Variants in RNF146 observed in about 807,000 individuals in gnomAD.
The protein encoded by RNF146 is E3 ubiquitin-protein ligase RNF146.
In RNF146, 11 loss-of-function variants were observed where a neutral mutation model predicts 29.7. The ratio of observed to expected loss-of-function variants is 0.37; its 90% CI spans 0.23 to 0.61. The LOEUF (loss-of-function observed/expected upper bound fraction) is 0.61, where lower values mean the gene tolerates loss of function less well. Among genes scored for constraint, RNF146 ranks in the 20% least tolerant of loss-of-function variants. RNF146 has a pLI of 0.66. For missense variants in RNF146, 342 were observed against 438.9 expected, an observed-to-expected ratio of 0.78 and a Z score of 1.97; for synonymous variants, 150 against 159.7, an observed-to-expected ratio of 0.94 and a Z score of 0.46.
At chr6:127,270,908 C>G (rs926126806) in intron 1 of RNF146, among the ~76,000 whole-genome samples, 1 of 151,830 alleles carries the variant, frequency 6.6e-6, no homozygotes, top group African/African-American at 2.4e-5. Context: ...CTCCACCTCC[C>G]AGATTCAAGA....
Position 127,288,284 on chromosome 6 carries a change from G to C in RNF146, c.*591G>C, listed in dbSNP as rs1211754872. ...ATAGGCTTTGCTGTCTAGTCTTATAGTTTGAGGTTTTTTTGGTCTGCATTT... is the reference window on the plus strand; with the variant it reads ...ATAGGCTTTGCTGTCTAGTCTTATACTTTGAGGTTTTTTTGGTCTGCATTT... On this transcript the variant is annotated 3_prime_UTR_variant, in exon 3 of 3. Coordinates refer to ENST00000368314, the MANE Select transcript of RNF146 (RefSeq NM_001242850.2). The C allele has an allele frequency of 6.0e-6, 1 of 166,764 alleles. No homozygotes were observed. Among genetic ancestry groups the C allele is most frequent in the Non-Finnish European group, 1.5e-5 (1 of 68,060 alleles). 10.3% of individuals were successfully genotyped at this position (166,764 alleles called of 1,614,324 possible). A position where few individuals can be genotyped will look rare whatever the true frequency, so the allele number is the denominator to read the frequency against.
chr6:127,287,268 G>A lies in RNF146; in HGVS notation c.655G>A (p.Val219Ile). The change falls in exon 3 of 3, where the codon GTA becomes ATA. Residue 219 changes from valine to isoleucine, a missense_variant. Val to Ile is a conservative substitution (Grantham distance 29, BLOSUM62 3). Coordinates refer to ENST00000368314, the MANE Select transcript of RNF146 (RefSeq NM_001242850.2). Reference protein sequence around the residue: ...GASVQPLVSSVRPLTSVDGQL... With the variant: ...GASVQPLVSSIRPLTSVDGQL... ...TTCTGTTCAGCCCCTAGTGTCTTCT[G>A]TAAGGCCCCTAACATCAGTAGATGG... 6.2e-7 allele frequency: 1 copy of A among 1,613,418 alleles called. No individual in the cohort carries two copies. Among genetic ancestry groups the A allele is most frequent in the Non-Finnish European group, 8.5e-7 (1 of 1,179,646 alleles).
rs1779593805 is a variant in RNF146, at chr6:127,286,922, A to G, written c.309A>G (p.Glu103=). 1 of 1,613,384 alleles carries G rather than the reference A, an allele frequency of 6.2e-7. No homozygotes were observed. The highest frequency in any genetic ancestry group is 2.2e-5 in the East Asian group (1 of 44,836). Residue 103 remains glutamate (E), a synonymous_variant, in exon 3 of 3, where the codon GAA becomes GAG. Coordinates refer to ENST00000368314, the MANE Select transcript of RNF146 (RefSeq NM_001242850.2). This position sits in a 1 kb window ranked among gnomAD's most constrained non-coding sequence, Gnocchi z 4.6. ...ELKAASRGNG[E]YAWYYEGRNG... ...AGGCAGCAAGTAGAGGAAATGGTGA[A>G]TATGCATGGTATTATGAAGGAAGAA...
At position 127,287,582 on chromosome 6, in the gene RNF146, C is replaced by CGATCGATCAGATCGATCGGGAACT. The variant is rs756972157; in HGVS notation, c.980_1003dup (p.Asp327_Ser334dup). The CGATCGATCAGATCGATCGGGAACT allele has an allele frequency of 1.1e-5, 17 of 1,612,616 alleles. No homozygotes were observed. Among genetic ancestry groups the CGATCGATCAGATCGATCGGGAACT allele is most frequent in the South Asian group, 7.7e-5 (7 of 91,038 alleles). ...TTTCTAATGCAAACCAGACAGTACC[C>CGATCGATCAGATCGATCGGGAACT]GATCGATCAGATCGATCGGGAACTG... On this transcript the variant is annotated inframe_insertion, in exon 3 of 3. Coordinates refer to ENST00000368314, the MANE Select transcript of RNF146 (RefSeq NM_001242850.2).
intron 1 of RNF146, among the ~76,000 whole-genome samples, chr6:127,274,900 G>A (rs139534378): frequency 1.5e-3 from 224 of 152,182 alleles, no homozygotes; most frequent in African/African-American, 4.9e-3. Context: ...TCATACCACT[G>A]GACTCCTGCC....
In RNF146 at chr6:127,287,777, T is replaced by C. The variant is rs1003512177; in HGVS notation, c.*84T>C. 98 of 838,952 alleles carry C rather than the reference T, an allele frequency of 1.2e-4. No individual in the cohort carries two copies. Among genetic ancestry groups the C allele is most frequent in the Non-Finnish European group, 1.8e-4 (92 of 520,378 alleles). The allele number at this position is 838,952 out of a possible 1,614,324, so 52.0% of individuals were successfully genotyped here. A position where few individuals can be genotyped will look rare whatever the true frequency, so the allele number is the denominator to read the frequency against. The stretch of plus-strand genomic sequence containing the variant: ...CACATAACATTATACTCATCCCTAG[T>C]AGTGCATTTTGGGAGTTGGGGTGGG... On this transcript the variant is annotated 3_prime_UTR_variant, in exon 3 of 3. Transcript: ENST00000368314.
intron 1 of RNF146, among the ~76,000 whole-genome samples, chr6:127,267,329 C>A (rs1289531738): frequency 6.6e-6 from 1 of 152,182 alleles, no homozygotes; most frequent in Non-Finnish European, 1.5e-5. Context: ...GCAGCCTCTT[C>A]CGCCTGAGCC....
At chr6:127,271,519 G>A (rs953625262) in intron 1 of RNF146, among the ~76,000 whole-genome samples, 3 of 152,200 alleles carry the variant, frequency 2.0e-5, no homozygotes, top group East Asian at 1.9e-4. Flanking sequence ...TTCCTGTAGT[G>A]ACTTGTCAGT....
chr6:127,268,317 C>G (rs1001423214), intron 1 of RNF146, among the ~76,000 whole-genome samples: 5 of 152,128 alleles, frequency 3.3e-5, no homozygotes, highest in Non-Finnish European at 5.9e-5. Flanking sequence ...GTCAGTGAAT[C>G]TATATTTAGA....
chr6:127,276,774 T>G (rs1292229170), intron 1 of RNF146, among the ~76,000 whole-genome samples: 1 of 152,012 alleles, frequency 6.6e-6, no homozygotes, highest in Non-Finnish European at 1.5e-5. Context: ...GATTATAATA[T>G]TTGGTTGCTG....
chr6:127,267,308 G>C (rs1017409414), intron 1 of RNF146, among the ~76,000 whole-genome samples: 2 of 152,200 alleles, frequency 1.3e-5, no homozygotes, highest in African/African-American at 4.8e-5. Flanking sequence ...CGGAGCAGCG[G>C]CCATTACTGC....
At chr6:127,283,571 A>G (rs1226020202) in intron 2 of RNF146, among the ~76,000 whole-genome samples, 1 of 151,772 alleles carries the variant, frequency 6.6e-6, no homozygotes, top group East Asian at 1.9e-4. Context: ...AAAGCCTTGA[A>G]GTATGTCTTA....
In RNF146 at chr6:127,280,358, G is replaced by T. The variant is rs1562286062; in HGVS notation, c.2+18G>T. ...ATAGAAATGTAAGTGTAGCATCATG[G>T]TTTTTTTCAGTGCTGCAGTAAATTA... is the stretch of plus-strand genomic sequence containing the variant. On this transcript the variant is annotated intron_variant, in intron 2 of 2. Coordinates refer to ENST00000368314, the MANE Select transcript of RNF146 (RefSeq NM_001242850.2). 1.9e-6 allele frequency: 3 copies of T among 1,546,554 alleles called. No homozygotes were observed. The highest frequency in any genetic ancestry group is 2.0e-5 in the Admixed American group (1 of 50,892).
chr6:127,269,628 G>A (rs1183788284), intron 1 of RNF146, among the ~76,000 whole-genome samples: 2 of 152,110 alleles, frequency 1.3e-5, no homozygotes, highest in Non-Finnish European at 2.9e-5. Context: ...AAGTTTCCAA[G>A]TATGACCTAT....
At chr6:127,278,315 T>G (rs1165204722) in intron 1 of RNF146, among the ~76,000 whole-genome samples, 1 of 151,804 alleles carries the variant, frequency 6.6e-6, no homozygotes, top group Non-Finnish European at 1.5e-5. Context: ...TTCCACAACT[T>G]TTTTTTAGCA....
intron 1 of RNF146, among the ~76,000 whole-genome samples, chr6:127,277,214 T>C (rs758152392): frequency 2.6e-5 from 4 of 152,014 alleles, no homozygotes; most frequent in Non-Finnish European, 5.9e-5. Context: ...AAAGTAATGA[T>C]GTTGGAGCAG....
intron 2 of RNF146, among the ~76,000 whole-genome samples, chr6:127,283,892 T>C (rs1355946564): frequency 6.6e-6 from 1 of 151,808 alleles, no homozygotes; most frequent in Non-Finnish European, 1.5e-5. Flanking sequence ...GGAACCAAAA[T>C]ACCTGCACAA....
intron 1 of RNF146, among the ~76,000 whole-genome samples, chr6:127,278,592 C>G (rs1030138125): frequency 2.6e-5 from 4 of 151,982 alleles, no homozygotes; most frequent in African/African-American, 9.7e-5. Context: ...TTGGTAGATA[C>G]TTGAATTGTG....
At chr6:127,271,662 A>G (rs1252548918) in intron 1 of RNF146, among the ~76,000 whole-genome samples, 1 of 152,236 alleles carries the variant, frequency 6.6e-6, no homozygotes, top group African/African-American at 2.4e-5. Context: ...TAAGTGTAAA[A>G]TACACACTGG....
Sources: allele counts gnomAD v4.1 joint callset (sites outside exome capture counted in the v4.1 genomes callset), GRCh38; gene constraint gnomAD v4.1.1; non-coding constraint Gnocchi (gnomAD v3.1); transcripts MANE v1.5; gene names NCBI Gene and HGNC (gene_info 2026-07-23, HGNC 2026-07-21).